Variants in DPP6 observed in about 807,000 individuals in gnomAD.
DPP6 encodes A-type potassium channel modulatory protein DPP6.
A neutral mutation model predicts 122.6 loss-of-function variants in DPP6; 69 were observed. That is an observed-to-expected ratio of 0.56 (90% CI 0.46 to 0.69). DPP6 has a LOEUF of 0.69. Among genes scored for constraint, DPP6 ranks in the 30% least tolerant of loss-of-function variants. The pLI, the probability that DPP6 is intolerant of heterozygous loss-of-function variation, is 0.00. For synonymous variants in DPP6, 418 were observed against 433.1 expected (o/e 0.97, Z 0.43); for missense variants, 928 against 1,116.9 (o/e 0.83, Z 2.41).
At chr7:154,208,070 G>C (rs1011647603) in intron 1 of DPP6, among the ~76,000 whole-genome samples, 3 of 152,110 alleles carry the variant, frequency 2.0e-5, no homozygotes, top group African/African-American at 7.2e-5. Flanking sequence ...AACAGGCATT[G>C]GTTACTGGTT....
the DPP6 span, among the ~76,000 whole-genome samples, chr7:153,787,117 A>G: frequency 7.2e-6 from 1 of 139,654 alleles, no homozygotes; most frequent in Non-Finnish European, 1.6e-5. Flanking sequence ...ACGCCCGGCT[A>G]ATTTTTGTAT....
In DPP6 at chr7:154,621,509, C is replaced by T. The variant is rs556286549; in HGVS notation, c.628-16312C>T. 3.1e-3 allele frequency among the ~76,000 whole-genome samples: 479 copies of T among 152,186 alleles called. 2 individuals are homozygous for T. The highest frequency in any genetic ancestry group is 4.6e-3 in the Non-Finnish European group (310 of 68,026). ...TCAGCCTCCCAAGTAGCTGGGATTA[C>T]AGGCTCATGCCACCACACCCAGCTA... On this transcript the variant is annotated intron_variant, in intron 5 of 25. Transcript: ENST00000377770.
chr7:154,752,879 C>T (rs551043426), intron 8 of DPP6, among the ~76,000 whole-genome samples: 56 of 152,238 alleles, frequency 3.7e-4, no homozygotes, highest in African/African-American at 1.2e-3. Context: ...ACATGGTGGA[C>T]GGGTGTGGCT....
At chr7:154,636,565 G>A (rs1041281537) in intron 5 of DPP6, among the ~76,000 whole-genome samples, 1 of 152,204 alleles carries the variant, frequency 6.6e-6, no homozygotes, top group African/African-American at 2.4e-5. Flanking sequence ...TGCCCTCAAA[G>A]CAAGGGGCCC....
At chr7:154,262,243 C>T (rs1300205837) in intron 1 of DPP6, among the ~76,000 whole-genome samples, 1 of 152,040 alleles carries the variant, frequency 6.6e-6, no homozygotes, top group Non-Finnish European at 1.5e-5. Flanking sequence ...GACTCCCCAC[C>T]CCAGATTCAT....
At chr7:154,494,413 CAT>C (rs1478987836) in intron 3 of DPP6, among the ~76,000 whole-genome samples, 9 of 148,260 alleles carry the variant, frequency 6.1e-5, no homozygotes, top group African/African-American at 1.7e-4. Context: ...TATATGATAA[CAT>C]ATATTTATAT....
At chr7:154,759,485 G>C (rs1345053102) in intron 8 of DPP6, among the ~76,000 whole-genome samples, 1 of 152,218 alleles carries the variant, frequency 6.6e-6, no homozygotes, top group Non-Finnish European at 1.5e-5. Context: ...CCACGGGCTG[G>C]ACTCTCGAGG....
At chr7:153,890,786 G>A (rs1799160390) in intron 1 of DPP6, among the ~76,000 whole-genome samples, 1 of 142,366 alleles carries the variant, frequency 7.0e-6, no homozygotes, top group Non-Finnish European at 1.5e-5. Context: ...CTCCCCCAGG[G>A]TTCAAGCCAT....
chr7:154,865,931 C>T (rs1056185644), intron 17 of DPP6, among the ~76,000 whole-genome samples: 1 of 152,200 alleles, frequency 6.6e-6, no homozygotes, highest in African/African-American at 2.4e-5. Context: ...TAGTGCATTT[C>T]GTCTCTGGGA....
At chr7:154,704,321 A>T (rs374221871) in intron 7 of DPP6, among the ~76,000 whole-genome samples, 1 of 152,222 alleles carries the variant, frequency 6.6e-6, no homozygotes, top group Admixed American at 6.5e-5. Context: ...GTTTCTTGAG[A>T]TGAAATATAC....
intron 17 of DPP6, among the ~76,000 whole-genome samples, chr7:154,866,666 T>C (rs1803902222): frequency 6.6e-6 from 1 of 152,266 alleles, no homozygotes; most frequent in South Asian, 2.1e-4. Flanking sequence ...AGTGGTGGTC[T>C]AACGTCAGAT....
intron 1 of DPP6, among the ~76,000 whole-genome samples, chr7:154,308,693 C>T (rs1057304797): frequency 6.6e-6 from 1 of 152,118 alleles, no homozygotes; most frequent in Non-Finnish European, 1.5e-5. Flanking sequence ...CACAAGCCAA[C>T]GGAGCTCTTC....
intron 1 of DPP6, among the ~76,000 whole-genome samples, chr7:153,945,045 T>C (rs1353255508): frequency 6.6e-6 from 1 of 152,130 alleles, no homozygotes; most frequent in Non-Finnish European, 1.5e-5. Context: ...GGTGTTGGCT[T>C]AGGGTAACTG....
intron 1 of DPP6, among the ~76,000 whole-genome samples, chr7:154,265,033 G>A (rs62650442): frequency 0.26 from 345 of 1,338 alleles, 78 homozygotes; most frequent in African/African-American, 0.35. Context: ...TGGTGTTAAT[G>A]GTGATGGTGA....
chr7:154,690,360 T>C (rs1419780036), intron 7 of DPP6, among the ~76,000 whole-genome samples: 3 of 152,094 alleles, frequency 2.0e-5, no homozygotes, highest in African/African-American at 7.2e-5. Flanking sequence ...TAAGCAGAAC[T>C]TAGGTGAGTG....
At position 154,867,714 on chromosome 7, in the gene DPP6, C is replaced by T. The variant is rs138317503; in HGVS notation, c.1715-281C>T. On this transcript the variant is annotated intron_variant, in intron 17 of 25. Coordinates refer to ENST00000377770, the MANE Select transcript of DPP6 (RefSeq NM_130797.4). ...ATCATACCAAAACCTGTGCGTGTGA[C>T]GCCACGGAGAACAAAAACCTCTGGT... Among the ~76,000 whole-genome samples, 218 of 152,242 alleles carry T rather than the reference C, an allele frequency of 1.4e-3. 1 individual carries two copies. Among genetic ancestry groups the T allele is most frequent in the African/African-American group, 4.9e-3 (204 of 41,538 alleles).
chr7:154,792,523 G>C (rs894686107), intron 10 of DPP6, among the ~76,000 whole-genome samples: 1 of 152,206 alleles, frequency 6.6e-6, no homozygotes. Flanking sequence ...CCCTGCCTTT[G>C]GGCCATGAAA....
At chr7:154,374,408 G>T (rs184627364) in intron 1 of DPP6, among the ~76,000 whole-genome samples, 2 of 152,192 alleles carry the variant, frequency 1.3e-5, no homozygotes, top group East Asian at 1.9e-4. Context: ...TAAGGAAAAG[G>T]TGTGTTTTTC....
intron 1 of DPP6, among the ~76,000 whole-genome samples, chr7:154,331,599 T>C (rs1203301482): frequency 2.0e-5 from 3 of 152,180 alleles, no homozygotes; most frequent in Non-Finnish European, 4.4e-5. Flanking sequence ...GATGCAGCTT[T>C]GGAAGGTATC....
Sources: gnomAD v4.1 joint callset for allele counts (sites outside exome capture counted in the v4.1 genomes callset) on GRCh38, gnomAD v4.1.1 for gene constraint, MANE v1.5 for transcripts, NCBI Gene and HGNC (gene_info 2026-07-23, HGNC 2026-07-21) for gene names.